The following PAK6 variants were observed in gnomAD, a reference collection of about 807,000 sequenced individuals.
The protein encoded by PAK6 is serine/threonine-protein kinase PAK 6.
In PAK6, 33 loss-of-function variants were observed where a neutral mutation model predicts 60.8. The observed-to-expected ratio is 0.54, with a 90% CI of 0.41 to 0.73. The LOEUF (loss-of-function observed/expected upper bound fraction) is 0.73, where lower values mean the gene tolerates loss of function less well. PAK6 is among the 30% of genes least tolerant of loss of function. PAK6 has a pLI of 0.00. For synonymous variants in PAK6, 404 were observed against 378.5 expected (o/e 1.07, Z -0.78); for missense variants, 845 against 904.1 (o/e 0.93, Z 0.84).
chr15:40,264,302 C>T (rs1075505), intron 3 of PAK6: 56,225 of 352,532 alleles, frequency 0.16, 7,430 homozygotes, highest in East Asian at 0.61. Context: ...TTCATAGTTA[C>T]GTTCCTAAAT....
At chr15:40,241,421 C>A (rs1025610185) in intron 2 of PAK6, among the ~76,000 whole-genome samples, 8 of 151,646 alleles carry the variant, frequency 5.3e-5, no homozygotes, top group African/African-American at 1.9e-4. Flanking sequence ...CCGTGTGGCC[C>A]CCAGGCCTGG....
At chr15:40,252,594 G>C (rs1452232255) in intron 2 of PAK6, 8 of 1,354,944 alleles carry the variant, frequency 5.9e-6, no homozygotes, top group Non-Finnish European at 7.8e-6. Context: ...GTGTAAGCGC[G>C]GCCCCTCCTC....
chr15:40,252,352 C>T (rs780775279), intron 2 of PAK6: 8 of 1,296,174 alleles, frequency 6.2e-6, no homozygotes, highest in African/African-American at 1.5e-5. Context: ...GGCAGGTCCC[C>T]GCGGCTGTGG....
exon 5 of PAK6, chr15:40,266,216 G>A (rs1303083937): frequency 1.2e-6 from 2 of 1,609,960 alleles, no homozygotes; most frequent in East Asian, 2.2e-5. Flanking sequence ...AGCGCTGTCT[G>A]CAGCTGGGTG....
At chr15:40,248,693 G>A (rs865948339) in intron 2 of PAK6, among the ~76,000 whole-genome samples, 45 of 152,266 alleles carry the variant, frequency 3.0e-4, no homozygotes, top group African/African-American at 8.4e-4. Flanking sequence ...GGGGGTCCTC[G>A]CGTGTTACAC....
At chr15:40,274,385 G>T in intron 10 of PAK6, 109 bp downstream of exon 10, 1 of 1,228,406 alleles carries the variant, frequency 8.1e-7, no homozygotes, top group Non-Finnish European at 1.1e-6. Context: ...ACAGGGTCTG[G>T]GCTCCTGGAA....
At chr15:40,274,254 C>T in exon 10 of PAK6, 3 of 1,609,440 alleles carry the variant, frequency 1.9e-6, no homozygotes, top group Non-Finnish European at 2.5e-6. Flanking sequence ...AGCCCCCCAC[C>T]CAAGCTGAAA....
intron 2 of PAK6, among the ~76,000 whole-genome samples, chr15:40,248,735 A>AC (rs148607254): frequency 0.14 from 21,926 of 151,874 alleles, 1,876 homozygotes; most frequent in East Asian, 0.23. Flanking sequence ...TCCTACCCGC[A>AC]CCCCAGCCCT....
intron 4 of PAK6, among the ~76,000 whole-genome samples, chr15:40,265,395 G>A (rs1389222829): frequency 6.6e-6 from 1 of 152,220 alleles, no homozygotes; most frequent in African/African-American, 2.4e-5. Context: ...CTGGTAGAAG[G>A]TGGGGTCAGG....
At chr15:40,261,037 C>T (rs999851208) in intron 3 of PAK6, among the ~76,000 whole-genome samples, 4 of 151,874 alleles carry the variant, frequency 2.6e-5, no homozygotes, top group South Asian at 2.1e-4. Flanking sequence ...TACAGGTGCC[C>T]ACCACCACAC....
intron 2 of PAK6, chr15:40,251,311 G>A (rs2038661026): frequency 6.6e-6 from 1 of 152,204 alleles, no homozygotes; most frequent in Non-Finnish European, 1.5e-5. Flanking sequence ...GCTTTCCCTA[G>A]GAAAGCCGAG....
Position 40,266,167 on chromosome 15 carries a change from C to CA in PAK6, c.531dup (p.Gln178ThrfsTer37). On this transcript the variant is annotated frameshift_variant, in exon 5 of 11. Transcript: ENST00000560346. LOFTEE classifies it high-confidence loss of function. ...CTGCCCAATGGGCTGGCTGCAAAGG[C>CA]ACAGTCCCTGGGCCCCGCCGAGTTT... 1 of 1,609,206 alleles carries CA rather than the reference C, an allele frequency of 6.2e-7. No individual in the cohort carries two copies. The highest frequency in any genetic ancestry group is 1.7e-5 in the Admixed American group (1 of 59,976).
chr15:40,268,136 A>G (rs985403527), intron 5 of PAK6, among the ~76,000 whole-genome samples: 1 of 152,150 alleles, frequency 6.6e-6, no homozygotes, highest in Non-Finnish European at 1.5e-5. Flanking sequence ...GAGCTCAGCA[A>G]CACCATACTT....
chr15:40,275,902 T>G (rs200772106), intron 10 of PAK6, 25 bp from the exon 11 acceptor site: 1 of 1,587,434 alleles, frequency 6.3e-7, no homozygotes, highest in Non-Finnish European at 8.6e-7. Flanking sequence ...AATTGTGGCT[T>G]CATCTTACTG....
At chr15:40,265,916 A>G (rs777003260) in exon 5 of PAK6, 34 of 1,594,852 alleles carry the variant, frequency 2.1e-5, no homozygotes, top group Non-Finnish European at 2.4e-5. Flanking sequence ...AGAAGTTGTC[A>G]GTCATCAGCT....
intron 2 of PAK6, among the ~76,000 whole-genome samples, chr15:40,241,836 G>T (rs144796612): frequency 1.1e-4 from 16 of 152,354 alleles, no homozygotes; most frequent in African/African-American, 3.8e-4. Context: ...AAAGTCCCCT[G>T]CCCTGGAGGA....
intron 3 of PAK6, among the ~76,000 whole-genome samples, chr15:40,262,929 G>C (rs1254576403): frequency 6.6e-6 from 1 of 152,212 alleles, no homozygotes; most frequent in African/African-American, 2.4e-5. Flanking sequence ...ACTCACACAG[G>C]TTGTTTTATT....
chr15:40,272,567 G>C, exon 6 of PAK6: 1 of 1,613,488 alleles, frequency 6.2e-7, no homozygotes, highest in Non-Finnish European at 8.5e-7. Context: ...GTGGACCAGG[G>C]TGACCCCCGG....
At chr15:40,272,352 C>A (rs1460865800) in exon 6 of PAK6, 1 of 1,613,818 alleles carries the variant, frequency 6.2e-7, no homozygotes, top group African/African-American at 1.3e-5. Context: ...CCAGCAGCCC[C>A]CAGAAGTCCC....
Sources: gnomAD v4.1 joint callset for allele counts (sites outside exome capture counted in the v4.1 genomes callset) on GRCh38, gnomAD v4.1.1 for gene constraint, MANE v1.5 for transcripts, NCBI Gene and HGNC (gene_info 2026-07-23, HGNC 2026-07-21) for gene names.